Variants in CMSS1 observed in about 807,000 individuals in gnomAD.
The protein encoded by CMSS1 is protein CMSS1.
Under a neutral mutation model 43.5 loss-of-function variants are expected in CMSS1, and 33 were observed. The ratio of observed to expected loss-of-function variants is 0.76; its 90% confidence interval spans 0.57 to 1.01. The LOEUF is 1.01. CMSS1 is among the 50% of genes least tolerant of loss of function. The pLI is 0.00. For synonymous variants in CMSS1, 115 were observed against 117.2 expected, an observed-to-expected ratio of 0.98 and a Z score of 0.12; for missense variants, 313 against 326.4, an observed-to-expected ratio of 0.96 and a Z score of 0.32.
chr3:100,130,874 C>A (rs117311898), intron 1 of CMSS1, among the ~76,000 whole-genome samples: 2 of 152,254 alleles, frequency 1.3e-5, no homozygotes, highest in East Asian at 3.9e-4. Flanking sequence ...TAGTGGAGGA[C>A]ATCCTGGAGG....
At chr3:99,893,601 A>G (rs946055238) in intron 1 of CMSS1, among the ~76,000 whole-genome samples, 1 of 152,174 alleles carries the variant, frequency 6.6e-6, no homozygotes, top group African/African-American at 2.4e-5. Flanking sequence ...TCTTTTTACT[A>G]TCATGTAGGT....
chr3:99,829,251 G>A (rs930122404), intron 1 of CMSS1, among the ~76,000 whole-genome samples: 1 of 152,024 alleles, frequency 6.6e-6, no homozygotes, highest in Admixed American at 6.5e-5. Flanking sequence ...CTCGATTGAA[G>A]CTTTTTGAAA....
chr3:99,825,289 A>T, intron 1 of CMSS1, among the ~76,000 whole-genome samples: 1 of 152,232 alleles, frequency 6.6e-6, no homozygotes, highest in South Asian at 2.1e-4. Context: ...TAATCAGCTT[A>T]CATTACAGGA....
intron 4 of CMSS1, among the ~76,000 whole-genome samples, chr3:100,162,660 T>G (rs1028339569): frequency 2.0e-5 from 3 of 151,784 alleles, no homozygotes; most frequent in African/African-American, 7.3e-5. Context: ...ATAAGAATAA[T>G]AATAATAATT....
intron 1 of CMSS1, among the ~76,000 whole-genome samples, chr3:100,074,225 C>G (rs889150295): frequency 1.6e-4 from 24 of 152,214 alleles, no homozygotes; most frequent in African/African-American, 5.5e-4. Context: ...TGACAGCCCC[C>G]CTGGGCCTCC....
intron 1 of CMSS1, among the ~76,000 whole-genome samples, chr3:100,101,952 A>G (rs1391183335): frequency 2.6e-5 from 4 of 152,130 alleles, no homozygotes; most frequent in African/African-American, 9.7e-5. Context: ...ACATGAACTC[A>G]TCATTTTTTA....
chr3:99,848,578 C>T, intron 1 of CMSS1: 1 of 1,614,174 alleles, frequency 6.2e-7, no homozygotes, highest in Non-Finnish European at 8.5e-7. Flanking sequence ...TGGGGAGACT[C>T]TGAATATCGC....
At chr3:100,163,729 A>C (rs1172203298) in intron 4 of CMSS1, among the ~76,000 whole-genome samples, 2 of 152,092 alleles carry the variant, frequency 1.3e-5, no homozygotes, top group Non-Finnish European at 2.9e-5. Context: ...ATTAATTTCA[A>C]AATTATAATG....
chr3:100,068,394 T>C (rs1454065109), intron 1 of CMSS1, among the ~76,000 whole-genome samples: 3 of 151,452 alleles, frequency 2.0e-5, no homozygotes, highest in Admixed American at 6.6e-5. Flanking sequence ...CAGAGAGATA[T>C]AGTATCTTTT....
chr3:99,966,546 CAATT>C (rs1274341724), intron 1 of CMSS1, among the ~76,000 whole-genome samples: 1 of 152,188 alleles, frequency 6.6e-6, no homozygotes, highest in Non-Finnish European at 1.5e-5. Flanking sequence ...TCATCACTAA[CAATT>C]AACTTTATAA....
intron 1 of CMSS1, among the ~76,000 whole-genome samples, chr3:100,035,654 A>G (rs17392948): frequency 0.16 from 24,443 of 152,224 alleles, 2,339 homozygotes; most frequent in South Asian, 0.21. Context: ...AAAGAAATTG[A>G]ACCATAGAAG....
chr3:100,018,267 A>T (rs1442405848), intron 1 of CMSS1, among the ~76,000 whole-genome samples: 1 of 152,212 alleles, frequency 6.6e-6, no homozygotes, highest in African/African-American at 2.4e-5. Context: ...CAGAGGTTAC[A>T]GTGAGCTGAG....
At chr3:100,023,537 A>C (rs537879832) in intron 1 of CMSS1, 1 of 152,762 alleles carries the variant, frequency 6.5e-6, no homozygotes, top group East Asian at 1.9e-4. Context: ...GTGGTATGAG[A>C]CTAAAACAGT....
At chr3:100,025,922 G>A (rs1208604680) in intron 1 of CMSS1, among the ~76,000 whole-genome samples, 1 of 152,116 alleles carries the variant, frequency 6.6e-6, no homozygotes, top group Non-Finnish European at 1.5e-5. Flanking sequence ...CTGGGCCTCG[G>A]AGCTCCCTTG....
intron 1 of CMSS1, among the ~76,000 whole-genome samples, chr3:100,083,249 G>A (rs944317550): frequency 2.0e-5 from 3 of 152,298 alleles, no homozygotes; most frequent in South Asian, 4.1e-4. Flanking sequence ...ACTTTATCTT[G>A]GGCTTGCTTG....
chr3:100,135,005 CAG>C (rs1262443080), intron 1 of CMSS1, among the ~76,000 whole-genome samples: 10 of 152,122 alleles, frequency 6.6e-5, no homozygotes, highest in Non-Finnish European at 1.5e-4. Flanking sequence ...CTCTGTAAAA[CAG>C]ATTATAACAA....
chr3:100,026,925 TA>T (rs2064933504), intron 1 of CMSS1, among the ~76,000 whole-genome samples: 2 of 152,030 alleles, frequency 1.3e-5, no homozygotes, highest in Admixed American at 6.6e-5. Flanking sequence ...CAATAACCCA[TA>T]AGACTCTCCG....
chr3:99,887,669 T>C (rs578108424), intron 1 of CMSS1, among the ~76,000 whole-genome samples: 1 of 152,342 alleles, frequency 6.6e-6, no homozygotes, highest in African/African-American at 2.4e-5. Context: ...CAATTTCTTA[T>C]ATAAGTACAA....
rs991271592 is a variant in CMSS1 at position 100,094,410 on chromosome 3, A to G, written c.65-52563A>G. ...TTTCATTCCCTTAACAGGATCTTTC[A>G]TGTGGCAAAAGTCTTTTGTTTTGAT... On this transcript the variant is annotated intron_variant, in intron 1 of 9. Coordinates refer to ENST00000421999, the MANE Select transcript of CMSS1 (RefSeq NM_032359.4). Among the ~76,000 whole-genome samples, 13 of 152,104 alleles carry G rather than the reference A, an allele frequency of 8.5e-5. 1 individual carries two copies. The highest frequency in any genetic ancestry group is 2.9e-4 in the African/African-American group (12 of 41,426).
Sources: allele counts gnomAD v4.1 joint callset (sites outside exome capture counted in the v4.1 genomes callset), GRCh38; gene constraint gnomAD v4.1.1; transcripts MANE v1.5; gene names NCBI Gene and HGNC (gene_info 2026-07-23, HGNC 2026-07-21).